SLC22A23: variants seen among roughly 807,000 people sequenced by gnomAD.
SLC22A23 encodes the protein ion transporter protein.
Under a neutral mutation model 61.0 loss-of-function variants are expected in SLC22A23, and 26 were observed. The ratio of observed to expected loss-of-function variants is 0.43; its 90% confidence interval spans 0.31 to 0.59. SLC22A23 has a LOEUF of 0.59. Among genes scored for constraint, SLC22A23 ranks in the 20% least tolerant of loss-of-function variants. SLC22A23 has a pLI of 0.11. For missense variants in SLC22A23, 796 were observed against 934.7 expected (o/e 0.85, Z 1.94); for synonymous variants, 430 against 413.9 (o/e 1.04, Z -0.47).
chr6:3,279,575 C>T (rs1365359315), intron 9 of SLC22A23, among the ~76,000 whole-genome samples: 2 of 135,604 alleles, frequency 1.5e-5, no homozygotes, highest in Admixed American at 7.9e-5. Flanking sequence ...AAAATTTTGG[C>T]AGAAGTTGGT....
rs1388120558 is a variant in SLC22A23, at chr6:3,363,782, T to G, written c.914-39780A>C. Among the ~76,000 whole-genome samples, 4 of 152,362 alleles carry G rather than the reference T, an allele frequency of 2.6e-5. No individual in the cohort carries two copies. In the East Asian group the frequency reaches 7.7e-4, roughly 29 times the overall value. ...GGTGGTGGGAGCTGCCTCCTTGGCCTCTGCTCAGCCATCTACTACATGGTT... is the reference window on the plus strand; with the variant it reads ...GGTGGTGGGAGCTGCCTCCTTGGCCGCTGCTCAGCCATCTACTACATGGTT... On this transcript the variant is annotated intron_variant, in intron 3 of 9. Coordinates refer to ENST00000406686, the MANE Select transcript of SLC22A23 (RefSeq NM_015482.2).
At position 3,283,905 on chromosome 6, in the gene SLC22A23, C is replaced by T. The variant is rs146099867; in HGVS notation, c.1650G>A (p.Ala550=). The T allele has an allele frequency of 1.3e-4, 207 of 1,612,092 alleles. No homozygotes were observed. Among genetic ancestry groups the T allele is most frequent in the African/African-American group, 2.4e-4 (18 of 75,032 alleles). ...FSIVGMFASH[A]VGSLSVFFCA... is the part of the protein sequence containing the mutation. ...AGAAGAACACGCTGAGGCTCCCCAC[C>T]GCATGGGAGGCAAACATGCCCACGA... The change falls in exon 9 of 10, where the codon GCG becomes GCA. Residue 550 remains alanine, a synonymous_variant. Coordinates refer to ENST00000406686, the MANE Select transcript of SLC22A23 (RefSeq NM_015482.2).
Position 3,323,113 on chromosome 6 carries a change from C to T in SLC22A23, c.1082+721G>A, listed in dbSNP as rs183592444. 3.3e-5 allele frequency among the ~76,000 whole-genome samples: 5 copies of T among 152,138 alleles called. No homozygotes were observed. In the East Asian group the frequency reaches 5.8e-4, roughly 18 times the overall value. On this transcript the variant is annotated intron_variant, in intron 4 of 9. Transcript: ENST00000406686. ...CCCCTTTACCAGTGTGTTTAGTGTT[C>T]CCCCCGTACTGCCGGCAAAGCTAGC...
At position 3,324,914 on chromosome 6, in the gene SLC22A23, C is replaced by A. The variant is rs147728356; in HGVS notation, c.914-912G>T. On this transcript the variant is annotated intron_variant, in intron 3 of 9. Coordinates refer to ENST00000406686, the MANE Select transcript of SLC22A23 (RefSeq NM_015482.2). This position sits in a 1 kb window ranked among gnomAD's most constrained non-coding sequence, Gnocchi z 4.3. ...TAATCTGTGGCACCCAAGTGACAAC[C>A]AATACAGACTTACTACTACGTGAAT... is the stretch of plus-strand genomic sequence containing the variant. Among the ~76,000 whole-genome samples the A allele has an allele frequency of 6.6e-6, 1 of 152,182 alleles. No homozygotes were observed. Among genetic ancestry groups the A allele is most frequent in the South Asian group, 2.1e-4 (1 of 4,824 alleles).
chr6:3,368,501 A>G (rs1052297777), intron 3 of SLC22A23, among the ~76,000 whole-genome samples: 1 of 152,228 alleles, frequency 6.6e-6, no homozygotes, highest in African/African-American at 2.4e-5. Flanking sequence ...AAATATTCAT[A>G]AGATTCAGAA....
At position 3,432,798 on chromosome 6, in the gene SLC22A23, C is replaced by T. The variant is rs1156437156; in HGVS notation, c.655-16943G>A. ...GGAAATGCCCACCTACAGTTCGTTGCTCTTTTTAAGGTTTTTAGCAAGGAG... is the reference window on the plus strand; with the variant it reads ...GGAAATGCCCACCTACAGTTCGTTGTTCTTTTTAAGGTTTTTAGCAAGGAG... On this transcript the variant is annotated intron_variant, in intron 1 of 9. Coordinates refer to ENST00000406686, the MANE Select transcript of SLC22A23 (RefSeq NM_015482.2). Among the ~76,000 whole-genome samples the T allele has an allele frequency of 2.6e-5, 4 of 152,228 alleles. No individual in the cohort carries two copies. The South Asian group carries it at 8.3e-4, about 32-fold the overall frequency.
intron 3 of SLC22A23, among the ~76,000 whole-genome samples, chr6:3,404,180 G>A (rs1160632186): frequency 6.6e-6 from 1 of 151,850 alleles, no homozygotes; most frequent in Non-Finnish European, 1.5e-5. Flanking sequence ...ATATCTCCGA[G>A]TATTTGCTAC....
At chr6:3,352,538 G>A (rs190077167) in intron 3 of SLC22A23, among the ~76,000 whole-genome samples, 1 of 152,254 alleles carries the variant, frequency 6.6e-6, no homozygotes, top group East Asian at 1.9e-4. Context: ...GAGCAGGTGA[G>A]CACACACCAA....
chr6:3,296,434 G>A (rs150790295), intron 5 of SLC22A23, among the ~76,000 whole-genome samples: 94 of 152,340 alleles, frequency 6.2e-4, no homozygotes, highest in African/African-American at 2.2e-3. Context: ...ATCGGCAAAC[G>A]GGGCTAATTA....
intron 8 of SLC22A23, 190 bp from the exon 9 acceptor site, chr6:3,284,165 G>T: frequency 3.8e-6 from 2 of 526,208 alleles, no homozygotes; most frequent in South Asian, 4.8e-5. Flanking sequence ...AGTGGGTTTT[G>T]TGGGGCTTCT....
intron 4 of SLC22A23, among the ~76,000 whole-genome samples, chr6:3,299,935 C>T (rs1167050844): frequency 3.3e-5 from 5 of 149,880 alleles, no homozygotes; most frequent in African/African-American, 4.9e-5. Context: ...AGGAAAGTCA[C>T]GACTGATGCT....
Position 3,372,745 on chromosome 6 carries a change from A to AAAATCTAGGC in SLC22A23, c.913+37442_913+37443insGCCTAGATTT, listed in dbSNP as rs1766307297. Among the ~76,000 whole-genome samples the AAAATCTAGGC allele has an allele frequency of 6.6e-6, 1 of 152,234 alleles. No homozygotes were observed. Among genetic ancestry groups the AAAATCTAGGC allele is most frequent in the Admixed American group, 6.5e-5 (1 of 15,288 alleles). On this transcript the variant is annotated intron_variant, in intron 3 of 9. Transcript: ENST00000406686. The surrounding 1 kb of genome is among the most constrained non-coding windows in gnomAD (Gnocchi z 4.7). ...AGCCTCAGGGTGCGCAAGTCCTAGG[A>AAAATCTAGGC]CAATCTAGGCCAACATTCTCTTCCA... is the stretch of plus-strand genomic sequence containing the variant.
Position 3,449,510 on chromosome 6 carries a change from A to C in SLC22A23, c.654+6396T>G, listed in dbSNP as rs563712374. Among the ~76,000 whole-genome samples the C allele has an allele frequency of 2.0e-5, 3 of 152,356 alleles. No homozygotes were observed. The East Asian group carries it at 5.8e-4, about 29-fold the overall frequency. On this transcript the variant is annotated intron_variant, in intron 1 of 9. Coordinates refer to ENST00000406686, the MANE Select transcript of SLC22A23 (RefSeq NM_015482.2). ...ATATACACACACATAAAGGCAAAGGAAATGAAGAGACTGTTCAAAGAACAG... is the reference window on the plus strand; with the variant it reads ...ATATACACACACATAAAGGCAAAGGCAATGAAGAGACTGTTCAAAGAACAG...
intron 5 of SLC22A23, chr6:3,291,599 C>T (rs1760597878): frequency 6.6e-6 from 1 of 152,208 alleles, no homozygotes; most frequent in South Asian, 2.1e-4. Flanking sequence ...TCTCAGCTCC[C>T]AAGGTCCATT....
intron 4 of SLC22A23, among the ~76,000 whole-genome samples, chr6:3,306,245 G>A (rs969368181): frequency 1.3e-5 from 2 of 152,016 alleles, no homozygotes; most frequent in Non-Finnish European, 2.9e-5. Context: ...AAGCCCAAGG[G>A]GTCCACCCCC....
rs749219739 is a variant in SLC22A23 at position 3,323,814 on chromosome 6, G to A, written c.1082+20C>T. ...ATGTGCAGTCGCACCAGCCCAGGGC[G>A]CTGTGCAGAGTGTACTCACGACCAG... On this transcript the variant is annotated intron_variant, in intron 4 of 9. Coordinates refer to ENST00000406686, the MANE Select transcript of SLC22A23 (RefSeq NM_015482.2). The A allele has an allele frequency of 1.5e-5, 24 of 1,604,948 alleles. No individual in the cohort carries two copies. The highest frequency in any genetic ancestry group is 1.7e-4 in the Middle Eastern group (1 of 6,034).
At chr6:3,332,978 T>A (rs1340502070) in intron 3 of SLC22A23, among the ~76,000 whole-genome samples, 1 of 152,182 alleles carries the variant, frequency 6.6e-6, no homozygotes, top group Non-Finnish European at 1.5e-5. Flanking sequence ...TAATGTCTGG[T>A]GAGACCCAGG....
rs987354928 is a variant in SLC22A23, at chr6:3,387,602, G to A, written c.913+22586C>T. 3.3e-4 allele frequency among the ~76,000 whole-genome samples: 50 copies of A among 152,226 alleles called. No individual in the cohort carries two copies. The highest frequency in any genetic ancestry group is 2.9e-3 in the Admixed American group (45 of 15,284). ...CGTCCGTTTCTCAGCTCTGGGGACC[G>A]TAGCGTGGTTATGTGAGTTCACGTT... On this transcript the variant is annotated intron_variant, in intron 3 of 9. Transcript: ENST00000406686. The surrounding 1 kb of genome is among the most constrained non-coding windows in gnomAD (Gnocchi z 5.0).
intron 3 of SLC22A23, among the ~76,000 whole-genome samples, chr6:3,348,621 G>A (rs556178872): frequency 2.9e-4 from 44 of 152,260 alleles, no homozygotes; most frequent in Non-Finnish European, 3.4e-4. Flanking sequence ...TTCCCGGCAC[G>A]GAGCTGGGTG....
Sources: allele counts gnomAD v4.1 joint callset (sites outside exome capture counted in the v4.1 genomes callset), GRCh38; gene constraint gnomAD v4.1.1; non-coding constraint Gnocchi (gnomAD v3.1); transcripts MANE v1.5; gene names NCBI Gene and HGNC (gene_info 2026-07-23, HGNC 2026-07-21).